Variants in UNC5D observed in about 807,000 individuals in gnomAD.
UNC5D encodes the protein netrin receptor UNC5D.
A neutral mutation model predicts 105.4 loss-of-function variants in UNC5D; 39 were observed. That is an observed-to-expected ratio of 0.37 (90% CI 0.29 to 0.48). The LOEUF (loss-of-function observed/expected upper bound fraction) is 0.48, where lower values mean the gene tolerates loss of function less well. Among genes scored for constraint, UNC5D ranks in the 20% least tolerant of loss-of-function variants. The pLI, the probability that UNC5D is intolerant of heterozygous loss-of-function variation, is 0.98. For missense variants in UNC5D, 991 were observed against 1,202.4 expected, an observed-to-expected ratio of 0.82 and a Z score of 2.60; for synonymous variants, 452 against 450.4, an observed-to-expected ratio of 1.00 and a Z score of -0.04.
intron 3 of UNC5D, among the ~76,000 whole-genome samples, chr8:35,571,547 GT>G (rs1379184320): frequency 6.6e-6 from 1 of 152,084 alleles, no homozygotes; most frequent in Non-Finnish European, 1.5e-5. Context: ...AGTCAGGGGG[GT>G]GGGGGAGTTG....
chr8:35,581,212 G>T (rs754533127), intron 3 of UNC5D, among the ~76,000 whole-genome samples: 4 of 151,980 alleles, frequency 2.6e-5, no homozygotes. Flanking sequence ...TGTAAATATT[G>T]TAGTATTCTA....
intron 1 of UNC5D, among the ~76,000 whole-genome samples, chr8:35,283,764 A>G (rs1806377233): frequency 6.6e-6 from 1 of 151,048 alleles, no homozygotes; most frequent in South Asian, 2.1e-4. Context: ...AGATTGCGCC[A>G]CTACACTCCA....
At chr8:35,717,878 G>A (rs879867309) in intron 8 of UNC5D, among the ~76,000 whole-genome samples, 16 of 152,260 alleles carry the variant, frequency 1.1e-4, no homozygotes, top group Middle Eastern at 6.8e-3. Context: ...AGATCACCAG[G>A]AAGTCACTTT....
chr8:35,518,321 TC>T (rs1011318984), intron 1 of UNC5D, among the ~76,000 whole-genome samples: 9 of 152,198 alleles, frequency 5.9e-5, no homozygotes, highest in African/African-American at 1.9e-4. Context: ...TGATTTAATA[TC>T]CTTCCATTTT....
rs1001514087 is a variant in UNC5D at position 35,704,960 on chromosome 8, C to CTTT, written c.1085-948_1085-946dup. Among the ~76,000 whole-genome samples, 186 of 115,548 alleles carry CTTT rather than the reference C, an allele frequency of 1.6e-3. 1 individual carries two copies. The highest frequency in any genetic ancestry group is 5.9e-3 in the Middle Eastern group (1 of 170). 75.8% of individuals were successfully genotyped at this position (115,548 alleles called of 152,430 possible). A position where few individuals can be genotyped will look rare whatever the true frequency, so the allele number is the denominator to read the frequency against. On this transcript the variant is annotated intron_variant, in intron 7 of 16. Transcript: ENST00000404895. ...TGACTCCTGTGGCCATGCTGAATGC[C>CTTT]TTTTTTTTTTTTTTTTTTTTTTTGA...
intron 3 of UNC5D, among the ~76,000 whole-genome samples, chr8:35,570,956 CAAGA>C (rs746138059): frequency 4.0e-5 from 6 of 150,620 alleles, no homozygotes; most frequent in African/African-American, 9.8e-5. Context: ...CAAACTCCAT[CAAGA>C]AAGAAAGAAA....
chr8:35,454,571 A>T (rs1482968241), intron 1 of UNC5D, among the ~76,000 whole-genome samples: 5 of 152,120 alleles, frequency 3.3e-5, no homozygotes, highest in Non-Finnish European at 4.4e-5. Flanking sequence ...AAATATTATT[A>T]AAAAATTCTA....
intron 1 of UNC5D, among the ~76,000 whole-genome samples, chr8:35,363,256 A>T (rs2128919524): frequency 6.6e-6 from 1 of 152,282 alleles, no homozygotes; most frequent in African/African-American, 2.4e-5. Flanking sequence ...GGTGGAAGGC[A>T]AGGAGGAGCA....
intron 3 of UNC5D, 59 bp from the exon 4 acceptor site, chr8:35,595,495 C>A: frequency 1.1e-5 from 17 of 1,530,108 alleles, no homozygotes; most frequent in Non-Finnish European, 1.5e-5. Flanking sequence ...GTACTTGGAC[C>A]AAATTTGAAT....
At chr8:35,729,253 C>T (rs1228592853) in intron 10 of UNC5D, among the ~76,000 whole-genome samples, 2 of 152,190 alleles carry the variant, frequency 1.3e-5, no homozygotes, top group Non-Finnish European at 2.9e-5. Flanking sequence ...TGTCCTCACA[C>T]ATCTTTCTTC....
At chr8:35,525,058 CTTTG>C (rs1388353173) in intron 1 of UNC5D, 74 of 901,896 alleles carry the variant, frequency 8.2e-5, no homozygotes, top group Non-Finnish European at 1.1e-4. Flanking sequence ...AATGCTGACC[CTTTG>C]TTAAGAGCCA....
intron 1 of UNC5D, among the ~76,000 whole-genome samples, chr8:35,406,655 G>A (rs796564287): frequency 5.9e-5 from 9 of 152,222 alleles, no homozygotes; most frequent in African/African-American, 1.9e-4. Context: ...AAAATAAACA[G>A]GAAGTTCTCC....
chr8:35,338,913 T>G lies in UNC5D; in HGVS notation c.103+103026T>G, dbSNP rs1811251139. 1.3e-5 allele frequency among the ~76,000 whole-genome samples: 2 copies of G among 152,080 alleles called. 1 individual carries two copies. The highest frequency in any genetic ancestry group is 4.8e-5 in the African/African-American group (2 of 41,352). On this transcript the variant is annotated intron_variant, in intron 1 of 16. Transcript: ENST00000404895. ...TTAATTCCACTCTAGGTTCCCTTGA[T>G]GTAAGCCTGTATGTACCTTGGGGCT...
At chr8:35,463,618 CAAAA>C (rs1189276180) in intron 1 of UNC5D, among the ~76,000 whole-genome samples, 2 of 109,798 alleles carry the variant, frequency 1.8e-5, no homozygotes, top group Non-Finnish European at 2.0e-5. Flanking sequence ...CTATCTCTAT[CAAAA>C]AAAAAAAAAA....
chr8:35,676,792 A>G (rs184085054), intron 4 of UNC5D, among the ~76,000 whole-genome samples: 123 of 152,226 alleles, frequency 8.1e-4, no homozygotes, highest in Middle Eastern at 6.8e-3. Flanking sequence ...AATTAAATCC[A>G]GTGTAGGGCA....
At chr8:35,616,192 G>A (rs1821014827) in intron 4 of UNC5D, among the ~76,000 whole-genome samples, 1 of 152,166 alleles carries the variant, frequency 6.6e-6, no homozygotes, top group Non-Finnish European at 1.5e-5. Context: ...AAGGGCATAG[G>A]TAGATACCGA....
chr8:35,360,201 G>A (rs1372242819), intron 1 of UNC5D, among the ~76,000 whole-genome samples: 1 of 152,060 alleles, frequency 6.6e-6, no homozygotes, highest in Non-Finnish European at 1.5e-5. Flanking sequence ...ATCAAGCTCT[G>A]ATCAGATGCT....
intron 15 of UNC5D, among the ~76,000 whole-genome samples, chr8:35,772,428 T>G (rs1408826174): frequency 6.6e-6 from 1 of 152,210 alleles, no homozygotes; most frequent in East Asian, 1.9e-4. Context: ...CCTGATAGTT[T>G]ATACTTATGT....
intron 4 of UNC5D, among the ~76,000 whole-genome samples, chr8:35,623,948 T>G (rs891637471): frequency 3.3e-5 from 5 of 151,812 alleles, no homozygotes; most frequent in African/African-American, 9.7e-5. Context: ...GACGTGGTGG[T>G]GGGCGCCTGT....
Sources: allele counts gnomAD v4.1 joint callset (sites outside exome capture counted in the v4.1 genomes callset), GRCh38; gene constraint gnomAD v4.1.1; transcripts MANE v1.5; gene names NCBI Gene and HGNC (gene_info 2026-07-23, HGNC 2026-07-21).